LRP4: variants seen among roughly 807,000 people sequenced by gnomAD.
LRP4 encodes the protein LDL receptor related protein 4, also known as low-density lipoprotein receptor-related protein 4.
A neutral mutation model predicts 220.3 loss-of-function variants in LRP4; 95 were observed. The observed-to-expected ratio is 0.43, with a 90% CI of 0.37 to 0.51. The LOEUF is 0.51. LRP4 is among the 20% of genes least tolerant of loss of function. The pLI is 0.00. For synonymous variants in LRP4, 903 were observed against 954.6 expected (o/e 0.95, Z 1.00); for missense variants, 1,925 against 2,567.0 (o/e 0.75, Z 5.40).
chr11:46,906,161 A>G (rs762057019), intron 1 of LRP4, among the ~76,000 whole-genome samples: 8 of 152,164 alleles, frequency 5.3e-5, no homozygotes, highest in Non-Finnish European at 1.2e-4. Context: ...TTGTTTGTAA[A>G]AAAGCCACAA....
rs1014555510 is a variant in LRP4 at position 46,918,077 on chromosome 11, T to TACCCGCGCCCCGGCCCAG, written c.52+233_52+250dup. ...GCGAGCGAACGAACGCCCCGGACCTTACCCGCGCCCCGGCCCAGACCCGCG... is the reference window on the plus strand; with the variant it reads ...GCGAGCGAACGAACGCCCCGGACCTTACCCGCGCCCCGGCCCAGACCCGCGCCCCGGCCCAGACCCGCG... On this transcript the variant is annotated intron_variant, in intron 1 of 37. Coordinates refer to ENST00000378623, the MANE Select transcript of LRP4 (RefSeq NM_002334.4). The surrounding 1 kb of genome is among the most constrained non-coding windows in gnomAD (Gnocchi z 6.0). Among the ~76,000 whole-genome samples the TACCCGCGCCCCGGCCCAG allele has an allele frequency of 3.3e-5, 5 of 151,814 alleles. No individual in the cohort carries two copies. The highest frequency in any genetic ancestry group is 6.6e-5 in the Admixed American group (1 of 15,262).
chr11:46,870,697 C>T (rs1200940387), intron 31 of LRP4, among the ~76,000 whole-genome samples: 1 of 152,250 alleles, frequency 6.6e-6, no homozygotes, highest in Non-Finnish European at 1.5e-5. Flanking sequence ...GCTGTGATTA[C>T]AGGCATAAGC....
At chr11:46,897,739 A>G (rs373899506) in intron 7 of LRP4, among the ~76,000 whole-genome samples, 3 of 152,214 alleles carry the variant, frequency 2.0e-5, no homozygotes, top group African/African-American at 7.2e-5. Flanking sequence ...TTTTCTTAGT[A>G]CAGAACAAAA....
chr11:46,872,722 C>T (rs1940903826), intron 30 of LRP4, among the ~76,000 whole-genome samples: 1 of 152,142 alleles, frequency 6.6e-6, no homozygotes, highest in South Asian at 2.1e-4. Flanking sequence ...CCAGCCTGGG[C>T]AACAGAGCAA....
chr11:46,908,551 T>C (rs1466992299), intron 1 of LRP4, among the ~76,000 whole-genome samples: 3 of 152,138 alleles, frequency 2.0e-5, no homozygotes, highest in Non-Finnish European at 4.4e-5. Flanking sequence ...TCCCAATAAA[T>C]GGTATTACTG....
In LRP4 at chr11:46,875,103, C is replaced by T. The variant is rs1029116192; in HGVS notation, c.3926G>A (p.Gly1309Asp). 6.2e-7 allele frequency: 1 copy of T among 1,612,198 alleles called. No homozygotes were observed. Residue 1309 changes from glycine (G) to aspartate (D), a missense_variant and splice_region_variant, in exon 28 of 38, where the codon GGT becomes GAT. Gly to Asp is a moderately conservative substitution (Grantham distance 94, BLOSUM62 -1). Around this residue, in one of 3 missense-constraint regions of LRP4, gnomAD observed 1,244 missense variants for 1,624.9 expected, o/e 0.77. Transcript: ENST00000378623. The surrounding 1 kb of genome is among the most constrained non-coding windows in gnomAD (Gnocchi z 4.5). ...MQAVDRAQPL[G>D]FNKCGSRNGG... ...ATTTCTCGAGCCGCACTTGTTAAAACCTGGTGATGAGAAGCACAAGTATTC... is the reference window on the plus strand; with the variant it reads ...ATTTCTCGAGCCGCACTTGTTAAAATCTGGTGATGAGAAGCACAAGTATTC...
At chr11:46,897,097 A>G (rs1941549217) in intron 7 of LRP4, 103 bp from the exon 8 acceptor site, 1 of 1,448,662 alleles carries the variant, frequency 6.9e-7, no homozygotes, top group African/African-American at 1.4e-5. Context: ...GCCACTCTTG[A>G]CACCGGGATC....
intron 31 of LRP4, among the ~76,000 whole-genome samples, chr11:46,870,693 A>G (rs1477473434): frequency 1.3e-5 from 2 of 152,218 alleles, no homozygotes; most frequent in African/African-American, 4.8e-5. Context: ...GAGTGCTGTG[A>G]TTACAGGCAT....
chr11:46,874,913 A>C lies in LRP4; in HGVS notation c.4116T>G (p.Ser1372Arg). ...GSIRRISLDT[S>R]DHTDVHVPVP... ...CAGGGACATGCACATCGGTGTGGTC[A>C]CTGGTGTCCAGTGAGATACGCCGGA... The change falls in exon 28 of 38, where the codon AGT (serine) becomes AGG (arginine). Residue 1372 changes from serine to arginine, a missense_variant. Ser to Arg is a moderately radical substitution (Grantham distance 110, BLOSUM62 -1). Transcript: ENST00000378623. 1 of 1,614,220 alleles carries C rather than the reference A, an allele frequency of 6.2e-7. No homozygotes were observed.
At chr11:46,865,371 G>C (rs1411558077) in intron 34 of LRP4, among the ~76,000 whole-genome samples, 185 bp from the exon 35 acceptor site, 2 of 152,208 alleles carry the variant, frequency 1.3e-5, no homozygotes, top group African/African-American at 4.8e-5. Context: ...GCAAGGCACT[G>C]TTTTCAAGCC....
intron 1 of LRP4, among the ~76,000 whole-genome samples, chr11:46,910,486 G>C (rs1941840757): frequency 6.6e-6 from 1 of 152,096 alleles, no homozygotes; most frequent in South Asian, 2.1e-4. Flanking sequence ...GCTTACCCCA[G>C]AACTGTCACA....
chr11:46,899,299 AC>A lies in LRP4; in HGVS notation c.547+87del. ...GGCACCCATGCTCCTTGCCCTTGGT[AC>A]ATGCACTCCTCAGCCTCGCCCTTAG... On this transcript the variant is annotated intron_variant, in intron 5 of 37. Transcript: ENST00000378623. This position sits in a 1 kb window ranked among gnomAD's most constrained non-coding sequence, Gnocchi z 5.9. 1 of 1,107,208 alleles carries A rather than the reference AC, an allele frequency of 9.0e-7. No homozygotes were observed. Among genetic ancestry groups the A allele is most frequent in the Non-Finnish European group, 1.4e-6 (1 of 721,802 alleles). The allele number at this position is 1,107,208 out of a possible 1,614,324, so 68.6% of individuals were successfully genotyped here. A position where few individuals can be genotyped will look rare whatever the true frequency, so the allele number is the denominator to read the frequency against.
rs1940431449 is a variant in LRP4, at chr11:46,858,299, G to A, written c.*684C>T. The A allele has an allele frequency of 6.4e-6, 1 of 156,560 alleles. No individual in the cohort carries two copies. The highest frequency in any genetic ancestry group is 1.9e-4 in the South Asian group (1 of 5,148). 9.7% of individuals were successfully genotyped at this position (156,560 alleles called of 1,614,324 possible). ...ACAGCTCCAGACATTCTAGGAGGAG[G>A]AAGAACAGCCTGAGCCACCCCCATC... On this transcript the variant is annotated 3_prime_UTR_variant, in exon 38 of 38. Transcript: ENST00000378623.
rs771548330 is a variant in LRP4, at chr11:46,879,130, G to A, written c.3000C>T (p.Pro1000=). Residue 1000 remains proline, a synonymous_variant, in exon 21 of 38, where the codon CCC becomes CCT. Transcript: ENST00000378623. Reference sequence around the variant, plus strand: ...TGCGAGCCAAGGGCTGCTCACCTGGGGGCCGGCGGCGGTGGAAGACATGGA... The same window carrying A: ...TGCGAGCCAAGGGCTGCTCACCTGGAGGCCGGCGGCGGTGGAAGACATGGA... The part of the protein sequence containing the change: ...MDIHVFHRRR[P]PVSTPCAMEN... The A allele has an allele frequency of 1.2e-6, 2 of 1,614,238 alleles. No homozygotes were observed. Among genetic ancestry groups the A allele is most frequent in the Non-Finnish European group, 1.7e-6 (2 of 1,180,034 alleles).
At chr11:46,888,848 G>A (rs1941358909) in intron 16 of LRP4, among the ~76,000 whole-genome samples, 1 of 152,164 alleles carries the variant, frequency 6.6e-6, no homozygotes, top group African/African-American at 2.4e-5. Flanking sequence ...GTCATCGTGT[G>A]CTGGGCTCTC....
Position 46,876,508 on chromosome 11 carries a change from T to G in LRP4, c.3494A>C (p.Asn1165Thr). 6.2e-7 allele frequency: 1 copy of G among 1,614,154 alleles called. No individual in the cohort carries two copies. Among genetic ancestry groups the G allele is most frequent in the Admixed American group, 1.7e-5 (1 of 60,016 alleles). ...TACGATGGCCCGGGGACTGTCAAGG[T>G]TCTGCCACACCAACACTTTCCGCAT... Reference protein sequence around the residue: ...GSMRKVLVWQNLDSPRAIVLY... With the variant: ...GSMRKVLVWQTLDSPRAIVLY... The change falls in exon 25 of 38, where the codon AAC becomes ACC. Residue 1165 changes from asparagine to threonine, a missense_variant. Transcript: ENST00000378623.
At chr11:46,902,029 G>A (rs1028397747) in intron 2 of LRP4, among the ~76,000 whole-genome samples, 2 of 150,714 alleles carry the variant, frequency 1.3e-5, no homozygotes, top group East Asian at 4.0e-4. Flanking sequence ...CACTGCGCCC[G>A]GCCTAAGAAA....
At chr11:46,862,321 A>G (rs1165268911) in intron 37 of LRP4, among the ~76,000 whole-genome samples, 1 of 152,056 alleles carries the variant, frequency 6.6e-6, no homozygotes, top group Non-Finnish European at 1.5e-5. Context: ...GAAAGAACCT[A>G]TAAGCTTGGA....
At chr11:46,864,751 C>T (rs149609339) in intron 35 of LRP4, among the ~76,000 whole-genome samples, 85 of 152,294 alleles carry the variant, frequency 5.6e-4, no homozygotes, top group African/African-American at 1.9e-3. Flanking sequence ...GATCCCATTT[C>T]GACCACTTCC....
Sources: gnomAD v4.1 joint callset for allele counts (sites outside exome capture counted in the v4.1 genomes callset) on GRCh38, gnomAD v4.1.1 for gene constraint, gnomAD v4.1.1 regional missense constraint, Gnocchi (gnomAD v3.1) non-coding constraint, MANE v1.5 for transcripts, NCBI Gene and HGNC (gene_info 2026-07-23, HGNC 2026-07-21) for gene names.